Variants in PCDHGA6 observed in about 807,000 individuals in gnomAD.
PCDHGA6 encodes protocadherin gamma subfamily A, 6.
PCDHGA6 carries 41 observed loss-of-function variants against 60.6 expected under a neutral mutation model. The observed-to-expected ratio is 0.68, with a 90% CI of 0.53 to 0.88. The LOEUF is 0.88. Ranked by LOEUF, PCDHGA6 falls within the 40% of genes least tolerant of loss-of-function variation. The pLI, the probability that PCDHGA6 is intolerant of heterozygous loss-of-function variation, is 0.00. For synonymous variants in PCDHGA6, 594 were observed against 524.4 expected (o/e 1.13, Z -1.81); for missense variants, 1,312 against 1,203.0 (o/e 1.09, Z -1.34).
At chr5:141,393,721 T>C (rs769235037) in intron 1 of PCDHGA6, 26 of 1,613,752 alleles carry the variant, frequency 1.6e-5, no homozygotes, top group African/African-American at 8.0e-5. Context: ...GAAATATCAA[T>C]AGCAAAAAGT....
At chr5:141,388,773 GGGGAAATTACT>G (rs1376289371) in intron 1 of PCDHGA6, 2 of 1,613,690 alleles carry the variant, frequency 1.2e-6, no homozygotes, top group African/African-American at 2.7e-5. Context: ...CTCTAACACC[GGGGAAATTACT>G]GTTTTAAATA....
intron 2 of PCDHGA6, among the ~76,000 whole-genome samples, chr5:141,500,231 C>T (rs992215482): frequency 1.4e-5 from 2 of 138,098 alleles, no homozygotes; most frequent in East Asian, 4.1e-4. Context: ...TTTATTGATA[C>T]GTAGCCTTGC....
rs1254986724 is a variant in PCDHGA6, at chr5:141,490,928, C to G, written c.2425-3879C>G. ...CTAGACGAGAATGATAATGCCCCAGCTGTGCTGCACCCACGGCCAGACTGG... is the reference window on the plus strand; with the variant it reads ...CTAGACGAGAATGATAATGCCCCAGGTGTGCTGCACCCACGGCCAGACTGG... On this transcript the variant is annotated intron_variant, in intron 1 of 3. Transcript: ENST00000517434. The surrounding 1 kb of genome is among the most constrained non-coding windows in gnomAD (Gnocchi z 5.4). 2 of 1,613,466 alleles carry G rather than the reference C, an allele frequency of 1.2e-6. No homozygotes were observed. Among genetic ancestry groups the G allele is most frequent in the Non-Finnish European group, 1.7e-6 (2 of 1,179,624 alleles).
intron 1 of PCDHGA6, among the ~76,000 whole-genome samples, chr5:141,401,278 G>T (rs1355696847): frequency 6.6e-6 from 1 of 152,160 alleles, no homozygotes; most frequent in Non-Finnish European, 1.5e-5. Context: ...GCAGGTGGAG[G>T]TTGCGGTGAG....
intron 1 of PCDHGA6, chr5:141,441,346 G>A (rs1265971154): frequency 2.0e-5 from 3 of 152,340 alleles, no homozygotes; most frequent in African/African-American, 7.2e-5. Context: ...TTAACTACAT[G>A]CTTGTAACAA....
chr5:141,409,600 G>A (rs778681839), intron 1 of PCDHGA6: 1 of 1,613,764 alleles, frequency 6.2e-7, no homozygotes. Context: ...AGAACAACCC[G>A]CCAGGAGCCT....
chr5:141,410,885 G>A (rs970749503), intron 1 of PCDHGA6: 7 of 287,302 alleles, frequency 2.4e-5, no homozygotes, highest in African/African-American at 1.6e-4. Context: ...ATGGAGTCTC[G>A]CACTGTTGCC....
chr5:141,453,540 A>G (rs890130466), intron 1 of PCDHGA6, among the ~76,000 whole-genome samples: 2 of 152,058 alleles, frequency 1.3e-5, no homozygotes, highest in Non-Finnish European at 2.9e-5. Context: ...CCTCATTCAC[A>G]CCACACTCTG....
chr5:141,491,817 G>T lies in PCDHGA6; in HGVS notation c.2425-2990G>T. On this transcript the variant is annotated intron_variant, in intron 1 of 3. Transcript: ENST00000517434. The surrounding 1 kb of genome is among the most constrained non-coding windows in gnomAD (Gnocchi z 6.9). ...TCTCCGGCCGGCTTGGTCGCTGGCT[G>T]CGCTCCACCCGATTCTCGGGATCAT... 1.3e-6 allele frequency: 2 copies of T among 1,484,188 alleles called. No homozygotes were observed. The highest frequency in any genetic ancestry group is 1.8e-6 in the Non-Finnish European group (2 of 1,117,664). 91.9% of individuals were successfully genotyped at this position (1,484,188 alleles called of 1,614,324 possible).
chr5:141,381,834 T>TTCTTTCTTTCTTTCTTTCTTCTTC, intron 1 of PCDHGA6, among the ~76,000 whole-genome samples: 1 of 140,162 alleles, frequency 7.1e-6, no homozygotes, highest in African/African-American at 2.8e-5. Flanking sequence ...TTCTTTTTTT[T>TTCTTTCTTTCTTTCTTTCTTCTTC]TTTTTTTTTT....
At position 141,422,850 on chromosome 5, in the gene PCDHGA6, G is replaced by A. The variant is rs184432819; in HGVS notation, c.2424+46343G>A. On this transcript the variant is annotated intron_variant, in intron 1 of 3. Transcript: ENST00000517434. Reference sequence around the variant, plus strand: ...TGATAGCACGTGACAGCGGGGACCCGCCCCTCAGCAGCAACGTGTCGCTGA... The same window carrying A: ...TGATAGCACGTGACAGCGGGGACCCACCCCTCAGCAGCAACGTGTCGCTGA... 154 of 1,614,204 alleles carry A rather than the reference G, an allele frequency of 9.5e-5. 1 individual carries two copies. The African/African-American group carries it at 1.3e-3, about 14-fold the overall frequency.
At chr5:141,482,343 A>G (rs1016179369) in intron 1 of PCDHGA6, among the ~76,000 whole-genome samples, 3 of 152,126 alleles carry the variant, frequency 2.0e-5, no homozygotes, top group Non-Finnish European at 2.9e-5. Flanking sequence ...TACTTTGCAA[A>G]CTTGTTGTGA....
intron 1 of PCDHGA6, chr5:141,420,154 T>C (rs2096470856): frequency 2.5e-6 from 4 of 1,613,948 alleles, no homozygotes; most frequent in Non-Finnish European, 2.5e-6. Flanking sequence ...ATCCAGAATT[T>C]AATTTTTTCA....
At chr5:141,427,416 G>T (rs1457696807) in intron 1 of PCDHGA6, 2 of 466,124 alleles carry the variant, frequency 4.3e-6, no homozygotes, top group South Asian at 3.1e-5. Flanking sequence ...GAGAGAAAAT[G>T]GGGAGGTTAC....
chr5:141,486,253 C>G lies in PCDHGA6; in HGVS notation c.2425-8554C>G. On this transcript the variant is annotated intron_variant, in intron 1 of 3. Coordinates refer to ENST00000517434, the MANE Select transcript of PCDHGA6 (RefSeq NM_018919.3). The surrounding 1 kb of genome is among the most constrained non-coding windows in gnomAD (Gnocchi z 5.0). Reference sequence around the variant, plus strand: ...TGACCTCAGAGCTTGGAACCCTCCCCGAGAGTGCAGAACCTGGCACTGTGG... The same window carrying G: ...TGACCTCAGAGCTTGGAACCCTCCCGGAGAGTGCAGAACCTGGCACTGTGG... The G allele has an allele frequency of 6.2e-7, 1 of 1,614,138 alleles. No homozygotes were observed. Among genetic ancestry groups the G allele is most frequent in the East Asian group, 2.2e-5 (1 of 44,866 alleles).
intron 2 of PCDHGA6, among the ~76,000 whole-genome samples, chr5:141,496,703 GT>G (rs1360916053): frequency 6.6e-6 from 1 of 152,132 alleles, no homozygotes; most frequent in East Asian, 1.9e-4. Context: ...CTTCTCATAA[GT>G]TATCCATTAA....
chr5:141,510,194 G>A (rs920127442), intron 3 of PCDHGA6, among the ~76,000 whole-genome samples: 1 of 151,462 alleles, frequency 6.6e-6, no homozygotes, highest in Non-Finnish European at 1.5e-5. Context: ...AATCACTTGA[G>A]CCCAGGAGGC....
intron 1 of PCDHGA6, chr5:141,402,843 G>A (rs1370040306): frequency 5.7e-6 from 8 of 1,399,114 alleles, no homozygotes; most frequent in Non-Finnish European, 6.6e-6. Context: ...GCAAAACTCA[G>A]CCTCTTTCTT....
In PCDHGA6 at chr5:141,392,850, C is replaced by T. The variant is rs752526573; in HGVS notation, c.2424+16343C>T. ...ACAGAGTCGCCCCAGACGCGGCGAG[C>T]TGATCCTGCTGTGCGCGCTGCTGGG... On this transcript the variant is annotated intron_variant, in intron 1 of 3. Coordinates refer to ENST00000517434, the MANE Select transcript of PCDHGA6 (RefSeq NM_018919.3). The T allele has an allele frequency of 3.1e-6, 5 of 1,610,550 alleles. No homozygotes were observed. In the African/African-American group the frequency reaches 5.3e-5, roughly 17 times the overall value.
Sources: gnomAD v4.1 joint callset for allele counts (sites outside exome capture counted in the v4.1 genomes callset) on GRCh38, gnomAD v4.1.1 for gene constraint, Gnocchi (gnomAD v3.1) non-coding constraint, MANE v1.5 for transcripts, NCBI Gene and HGNC (gene_info 2026-07-23, HGNC 2026-07-21) for gene names.